WAPL: variants seen among roughly 807,000 people sequenced by gnomAD.
WAPL encodes wings apart-like protein homolog.
Under a neutral mutation model 121.0 loss-of-function variants are expected in WAPL, and 5 were observed. The observed-to-expected ratio is 0.04, with a 90% CI of 0.02 to 0.09. The LOEUF (loss-of-function observed/expected upper bound fraction) is 0.09. WAPL is among the 10% of genes least tolerant of loss of function. The pLI is 1.00. For missense variants in WAPL, 999 were observed against 1,410.8 expected, an observed-to-expected ratio of 0.71 and a Z score of 4.68; for synonymous variants, 480 against 481.5, an observed-to-expected ratio of 1.00 and a Z score of 0.04.
intron 4 of WAPL, among the ~76,000 whole-genome samples, chr10:86,478,635 A>G (rs1841713574): frequency 6.6e-6 from 1 of 152,334 alleles, no homozygotes; most frequent in African/African-American, 2.4e-5. Flanking sequence ...CTCAAATGTG[A>G]CATTCCATTA....
intron 4 of WAPL, among the ~76,000 whole-genome samples, chr10:86,487,023 A>G (rs1371828764): frequency 1.3e-5 from 2 of 152,106 alleles, no homozygotes; most frequent in East Asian, 3.9e-4. Flanking sequence ...CGTTATGGTT[A>G]GTTTCATCAA....
chr10:86,505,883 C>A (rs985053412), intron 2 of WAPL, among the ~76,000 whole-genome samples: 2 of 151,620 alleles, frequency 1.3e-5, no homozygotes, highest in Non-Finnish European at 2.9e-5. Context: ...ATAATGGGGA[C>A]TTGTAAGAAA....
intron 2 of WAPL, among the ~76,000 whole-genome samples, chr10:86,510,573 A>T (rs1206750412): frequency 6.6e-6 from 1 of 152,308 alleles, no homozygotes; most frequent in South Asian, 2.1e-4. Context: ...TCTGAGAAGA[A>T]ATTTGTTAGT....
chr10:86,438,025 CAG>C lies in WAPL; in HGVS notation c.3412-12_3412-11del, dbSNP rs747525353. 6.2e-7 allele frequency: 1 copy of C among 1,602,772 alleles called. No individual in the cohort carries two copies. Among genetic ancestry groups the C allele is most frequent in the South Asian group, 1.1e-5 (1 of 90,252 alleles). ...CAGTGGTTACATTGATCTGAGGAAA[CAG>C]AGCAAGAAATATTGGTCAGCTGGCA... is the stretch of plus-strand genomic sequence containing the variant. On this transcript the variant is annotated splice_polypyrimidine_tract_variant and intron_variant, in intron 17 of 18. Transcript: ENST00000298767.
chr10:86,501,908 T>A (rs1842254903), intron 2 of WAPL, among the ~76,000 whole-genome samples: 1 of 152,184 alleles, frequency 6.6e-6, no homozygotes, highest in Non-Finnish European at 1.5e-5. Flanking sequence ...CCTAGGCTGG[T>A]CTTGAACTCC....
chr10:86,466,501 T>C (rs1250520514), intron 9 of WAPL, among the ~76,000 whole-genome samples: 1 of 151,920 alleles, frequency 6.6e-6, no homozygotes, highest in Non-Finnish European at 1.5e-5. Flanking sequence ...GCCCAGGGGT[T>C]TGAGGCTGCA....
At position 86,453,261 on chromosome 10, in the gene WAPL, T is replaced by C. The variant is rs1457410521; in HGVS notation, c.2908A>G (p.Lys970Glu). 6 of 1,614,130 alleles carry C rather than the reference T, an allele frequency of 3.7e-6. No homozygotes were observed. The highest frequency in any genetic ancestry group is 5.1e-6 in the Non-Finnish European group (6 of 1,180,028). Residue 970 changes from lysine to glutamate, a missense_variant, in exon 14 of 19, where the codon AAG (lysine) becomes GAG (glutamate). Lys to Glu is a moderately conservative substitution (Grantham distance 56). Coordinates refer to ENST00000298767, the MANE Select transcript of WAPL (RefSeq NM_015045.5). The part of the protein sequence containing the change: ...TALNCVLQVP[K>E]YLPQEQRFDI... ...AATCTCTGCTCCTGAGGTAGGTACTTTGGAACCTGAAGCACACAGTTCAGC... is the reference window on the plus strand; with the variant it reads ...AATCTCTGCTCCTGAGGTAGGTACTCTGGAACCTGAAGCACACAGTTCAGC...
intron 4 of WAPL, among the ~76,000 whole-genome samples, chr10:86,493,048 G>A (rs919844371): frequency 4.0e-5 from 6 of 148,946 alleles, no homozygotes; most frequent in African/African-American, 5.0e-5. Context: ...GTGACAGAGT[G>A]AGACTCCGTC....
chr10:86,516,939 C>T (rs1196225292), intron 2 of WAPL, among the ~76,000 whole-genome samples: 4 of 151,918 alleles, frequency 2.6e-5, no homozygotes, highest in Non-Finnish European at 4.4e-5. Context: ...AAAAATTAGC[C>T]AGGCGTGGTG....
intron 12 of WAPL, among the ~76,000 whole-genome samples, chr10:86,456,794 A>C (rs757448769): frequency 9.2e-5 from 14 of 152,228 alleles, no homozygotes; most frequent in Non-Finnish European, 1.9e-4. Context: ...GGCTGGGCTA[A>C]ACTGGGGCTT....
At chr10:86,505,898 A>G (rs1842340608) in intron 2 of WAPL, among the ~76,000 whole-genome samples, 1 of 152,174 alleles carries the variant, frequency 6.6e-6, no homozygotes, top group South Asian at 2.1e-4. Flanking sequence ...AAGAAAGAAA[A>G]ATTATTAAAG....
chr10:86,447,007 G>A (rs921243098), intron 15 of WAPL, among the ~76,000 whole-genome samples: 3 of 152,150 alleles, frequency 2.0e-5, no homozygotes, highest in Admixed American at 6.6e-5. Context: ...AAACTTTATA[G>A]AGAGCAGCAA....
intron 15 of WAPL, among the ~76,000 whole-genome samples, chr10:86,450,394 C>T (rs1178421495): frequency 6.6e-6 from 1 of 152,154 alleles, no homozygotes; most frequent in African/African-American, 2.4e-5. Context: ...CACCACCACA[C>T]TCAACCAACT....
At chr10:86,463,877 T>C (rs1841341438) in intron 9 of WAPL, among the ~76,000 whole-genome samples, 1 of 152,216 alleles carries the variant, frequency 6.6e-6, no homozygotes, top group South Asian at 2.1e-4. Flanking sequence ...CAGTGCTCAA[T>C]ACAGTAACAT....
At chr10:86,453,400 A>G in intron 13 of WAPL, 65 bp from the exon 14 acceptor site, 1 of 1,474,632 alleles carries the variant, frequency 6.8e-7, no homozygotes, top group East Asian at 2.3e-5. Context: ...AATAATGGAG[A>G]TTTATTAACA....
At chr10:86,461,355 A>C in intron 9 of WAPL, 68 bp from the exon 10 acceptor site, 1 of 1,229,434 alleles carries the variant, frequency 8.1e-7, no homozygotes, top group South Asian at 1.3e-5. Context: ...GTTTCTCTTT[A>C]CAAAAATTTA....
chr10:86,485,140 C>G (rs1045029835), intron 4 of WAPL, among the ~76,000 whole-genome samples: 29 of 139,668 alleles, frequency 2.1e-4, no homozygotes, highest in Non-Finnish European at 3.2e-4. Flanking sequence ...TCAGTGCTTT[C>G]CAGCTCCTGA....
chr10:86,479,124 AC>A (rs201314368), intron 4 of WAPL, among the ~76,000 whole-genome samples: 11,217 of 151,918 alleles, frequency 0.074, 440 homozygotes, highest in Middle Eastern at 0.13. Flanking sequence ...AACAAAAAAA[AC>A]AAAACAACAA....
intron 15 of WAPL, among the ~76,000 whole-genome samples, chr10:86,451,007 G>A (rs951655652): frequency 5.3e-5 from 8 of 152,156 alleles, no homozygotes; most frequent in African/African-American, 1.9e-4. Flanking sequence ...AGGACTTCCA[G>A]TTTTCTGTGG....
Sources: allele counts gnomAD v4.1 joint callset (sites outside exome capture counted in the v4.1 genomes callset), GRCh38; gene constraint gnomAD v4.1.1; transcripts MANE v1.5; gene names NCBI Gene and HGNC (gene_info 2026-07-23, HGNC 2026-07-21).